The following LTN1 variants were observed in gnomAD, a reference collection of about 807,000 sequenced individuals.
LTN1 encodes E3 ubiquitin-protein ligase listerin.
LTN1 carries 88 observed loss-of-function variants against 201.2 expected under a neutral mutation model. That is an observed-to-expected ratio of 0.44 (90% CI 0.37 to 0.52). The LOEUF is 0.52. Among genes scored for constraint, LTN1 ranks in the 20% least tolerant of loss-of-function variants. The pLI, the probability that LTN1 is intolerant of heterozygous loss-of-function variation, is 0.00. For synonymous variants in LTN1, 645 were observed against 713.5 expected (o/e 0.90, Z 1.53); for missense variants, 1,752 against 2,038.7 (o/e 0.86, Z 2.71).
chr21:28,936,510 C>G lies in LTN1; in HGVS notation c.4654+16G>C. Reference sequence around the variant, plus strand: ...TCTAGTGTCCAAGAAAGAACATAAACACATATCTTACTGACCTCTAATACT... The same window carrying G: ...TCTAGTGTCCAAGAAAGAACATAAAGACATATCTTACTGACCTCTAATACT... On this transcript the variant is annotated intron_variant, in intron 26 of 29. Coordinates refer to ENST00000361371, the MANE Select transcript of LTN1 (RefSeq NM_015565.3). The G allele has an allele frequency of 6.3e-7, 1 of 1,591,582 alleles. No homozygotes were observed. The highest frequency in any genetic ancestry group is 8.6e-7 in the Non-Finnish European group (1 of 1,166,826).
intron 6 of LTN1, 142 bp downstream of exon 6, chr21:28,980,977 A>T: frequency 2.1e-6 from 1 of 471,472 alleles, no homozygotes; most frequent in East Asian, 3.5e-5. Context: ...TTCTAGTAAG[A>T]GAGGTAATTC....
chr21:28,978,285 G>A (rs1158391282), intron 6 of LTN1, among the ~76,000 whole-genome samples: 1 of 152,112 alleles, frequency 6.6e-6, no homozygotes, highest in Non-Finnish European at 1.5e-5. Flanking sequence ...ACCTGCCTTG[G>A]CCTCCCGAAG....
chr21:28,943,576 A>G (rs1223303869), intron 23 of LTN1, 91 bp downstream of exon 23: 3 of 1,038,012 alleles, frequency 2.9e-6, no homozygotes, highest in South Asian at 1.6e-5. Context: ...TCTTTTAAAA[A>G]TTTTACTTTA....
chr21:28,965,872 A>G lies in LTN1; in HGVS notation c.2156T>C (p.Ile719Thr). The G allele has an allele frequency of 6.7e-7, 1 of 1,497,612 alleles. No individual in the cohort carries two copies. Among genetic ancestry groups the G allele is most frequent in the African/African-American group, 1.4e-5 (1 of 71,116 alleles). The allele number at this position is 1,497,612 out of a possible 1,614,324, so 92.8% of individuals were successfully genotyped here. ...DLKWNSLLKI[I>T]EKACPSSDKH... ...AAAAAATCCCTAAGATACCTTTTCA[A>G]TAATCTTAAGAAGAGAATTCCATTT... Residue 719 changes from isoleucine to threonine, a missense_variant, in exon 11 of 30, where the codon ATT (isoleucine) becomes ACT (threonine). Coordinates refer to ENST00000361371, the MANE Select transcript of LTN1 (RefSeq NM_015565.3).
Position 28,930,434 on chromosome 21 carries a change from C to T in LTN1, c.*14G>A, listed in dbSNP as rs769197168. 2.5e-6 allele frequency: 4 copies of T among 1,602,242 alleles called. No individual in the cohort carries two copies. The highest frequency in any genetic ancestry group is 3.3e-4 in the Middle Eastern group (2 of 6,040). On this transcript the variant is annotated 3_prime_UTR_variant, in exon 30 of 30. Transcript: ENST00000361371. Reference sequence around the variant, plus strand: ...TTTGATGTACTTCAGGGATCCCTTCCAGTGAAAAAAATCTCAGAAAAACGT... The same window carrying T: ...TTTGATGTACTTCAGGGATCCCTTCTAGTGAAAAAAATCTCAGAAAAACGT...
chr21:28,983,261 T>C (rs903845940), intron 4 of LTN1, among the ~76,000 whole-genome samples: 1 of 152,204 alleles, frequency 6.6e-6, no homozygotes, highest in African/African-American at 2.4e-5. Context: ...TAGTTATCCA[T>C]CCATGACAAA....
chr21:28,981,363 G>T, intron 5 of LTN1, 64 bp from the exon 6 acceptor site: 1 of 889,958 alleles, frequency 1.1e-6, no homozygotes, highest in African/African-American at 1.7e-5. Flanking sequence ...ATATCTGGTG[G>T]TTCTATTTAA....
At chr21:28,933,127 T>G (rs1355917613) in intron 27 of LTN1, among the ~76,000 whole-genome samples, 1 of 152,306 alleles carries the variant, frequency 6.6e-6, no homozygotes, top group African/African-American at 2.4e-5. Context: ...CATTGCAAAC[T>G]CAACATAAAA....
chr21:28,935,210 T>C lies in LTN1; in HGVS notation c.4774A>G (p.Asn1592Asp), dbSNP rs1286856636. 4.3e-6 allele frequency: 7 copies of C among 1,613,270 alleles called. No individual in the cohort carries two copies. The highest frequency in any genetic ancestry group is 5.9e-6 in the Non-Finnish European group (7 of 1,179,320). The change falls in exon 27 of 30, where the codon AAT (asparagine) becomes GAT (aspartate). Residue 1592 changes from asparagine (N) to aspartate (D), a missense_variant. Asn to Asp is a conservative substitution (Grantham distance 23, BLOSUM62 1). Around this residue, in one of 3 missense-constraint regions of LTN1, gnomAD observed 261 missense variants for 350.1 expected, o/e 0.75. Transcript: ENST00000361371. The stretch of plus-strand genomic sequence containing the variant: ...TTGCTTGTAAATCTATCCACAATAT[T>C]GAAAACACGCTTCTCACTGCTATTC... ...WWNSSEKRVF[N>D]IVDRFTSKYV...
chr21:28,991,698 A>G (rs1441618924), intron 1 of LTN1, among the ~76,000 whole-genome samples: 3 of 152,270 alleles, frequency 2.0e-5, no homozygotes, highest in Non-Finnish European at 2.9e-5. Flanking sequence ...AGATGCAAGT[A>G]AAGTGCTTAG....
rs556857413 is a variant in LTN1 at position 28,959,281 on chromosome 21, G to T, written c.2593+177C>A. The T allele has an allele frequency of 1.7e-5, 11 of 650,632 alleles. No individual in the cohort carries two copies. The African/African-American group carries it at 2.0e-4, about 12-fold the overall frequency. The allele number at this position is 650,632 out of a possible 1,614,324, so 40.3% of individuals were successfully genotyped here. A position where few individuals can be genotyped will look rare whatever the true frequency, so the allele number is the denominator to read the frequency against. Reference sequence around the variant, plus strand: ...TGAGATCTTTAGAAATAACATCTACGTACATCTTTAACTTGCTTTCTAGAG... The same window carrying T: ...TGAGATCTTTAGAAATAACATCTACTTACATCTTTAACTTGCTTTCTAGAG... On this transcript the variant is annotated intron_variant, in intron 13 of 29. Transcript: ENST00000361371.
chr21:28,972,791 C>T (rs1054980236), intron 6 of LTN1, among the ~76,000 whole-genome samples: 2 of 152,108 alleles, frequency 1.3e-5, no homozygotes, highest in Non-Finnish European at 2.9e-5. Flanking sequence ...CAATGAAATA[C>T]ACCAAGTCAA....
At chr21:28,982,192 G>A (rs2084663935) in intron 5 of LTN1, 124 bp downstream of exon 5, 2 of 748,652 alleles carry the variant, frequency 2.7e-6, no homozygotes, top group East Asian at 2.7e-5. Context: ...AATCCAGCCT[G>A]GGTGACAGAG....
chr21:28,958,418 G>T lies in LTN1; in HGVS notation c.2715C>A (p.Asn905Lys). The T allele has an allele frequency of 6.2e-7, 1 of 1,606,050 alleles. No individual in the cohort carries two copies. The highest frequency in any genetic ancestry group is 8.5e-7 in the Non-Finnish European group (1 of 1,177,718). ...TATCCAAAGATGAAGCCTGAACTTG[G>T]TTCTTCAGCCACAGAGCAGACAAAT... The part of the protein sequence containing the change: ...FLHLSALWLK[N>K]QVQASSLDIN... The change falls in exon 14 of 30, where the codon AAC (asparagine) becomes AAA (lysine). Residue 905 changes from asparagine to lysine, a missense_variant. Coordinates refer to ENST00000361371, the MANE Select transcript of LTN1 (RefSeq NM_015565.3).
chr21:28,975,942 T>C (rs948642233), intron 6 of LTN1, among the ~76,000 whole-genome samples: 3 of 152,194 alleles, frequency 2.0e-5, no homozygotes, highest in African/African-American at 4.8e-5. Flanking sequence ...ACAACATGAA[T>C]GAATCTTAAA....
At position 28,958,458 on chromosome 21, in the gene LTN1, T is replaced by C. The variant is rs771554758; in HGVS notation, c.2675A>G (p.Glu892Gly). 2.5e-6 allele frequency: 4 copies of C among 1,612,396 alleles called. No homozygotes were observed. The highest frequency in any genetic ancestry group is 2.7e-5 in the African/African-American group (2 of 74,884). Residue 892 changes from glutamate to glycine, a missense_variant, in exon 14 of 30, where the codon GAG (glutamate) becomes GGG (glycine). This residue lies in a region of LTN1 where 1,211 missense variants were observed against 1,312.8 expected (regional missense o/e 0.92). Transcript: ENST00000361371. ...AGCAGACAAATGTAGGAAGGTACTC[T>C]CTTTATATGAACTGTCAGTTTGATG... ...LVHQTDSSYK[E>G]STFLHLSALW...
At chr21:28,931,097 G>T (rs1601157315) in intron 29 of LTN1, 58 bp downstream of exon 29, 3 of 886,002 alleles carry the variant, frequency 3.4e-6, no homozygotes, top group Non-Finnish European at 5.4e-6. Flanking sequence ...GTGTGTGTGT[G>T]TGTTTATGTG....
At chr21:28,958,262 TG>T in intron 14 of LTN1, 123 bp downstream of exon 14, 1 of 870,776 alleles carries the variant, frequency 1.1e-6, no homozygotes, top group Non-Finnish European at 1.7e-6. Context: ...ACTGAGTAGC[TG>T]GGATTATAGG....
intron 18 of LTN1, among the ~76,000 whole-genome samples, chr21:28,948,349 A>G (rs2776241): frequency 0.14 from 19,156 of 141,152 alleles, 1,584 homozygotes; most frequent in African/African-American, 0.24. Flanking sequence ...AGCTCATTGC[A>G]ACCTCTGCCT....
Sources: gnomAD v4.1 joint callset for allele counts (sites outside exome capture counted in the v4.1 genomes callset) on GRCh38, gnomAD v4.1.1 for gene constraint, gnomAD v4.1.1 regional missense constraint, MANE v1.5 for transcripts, NCBI Gene and HGNC (gene_info 2026-07-23, HGNC 2026-07-21) for gene names.